The following SAMD12 variants were observed in gnomAD, a reference collection of about 807,000 sequenced individuals.
SAMD12 encodes sterile alpha motif domain-containing protein 12.
In SAMD12, 9 loss-of-function variants were observed where a neutral mutation model predicts 15.0. That is an observed-to-expected ratio of 0.60 (90% CI 0.36 to 1.05). The LOEUF (loss-of-function observed/expected upper bound fraction) is 1.05. Ranked by LOEUF, SAMD12 falls within the 50% of genes least tolerant of loss-of-function variation. The probability of loss-of-function intolerance (pLI) is 0.01; values close to 1 mark genes in which losing one functional copy is unlikely to be tolerated. For missense variants in SAMD12, 230 were observed against 234.2 expected (o/e 0.98, Z 0.12); for synonymous variants, 86 against 90.1 (o/e 0.96, Z 0.25).
At chr8:118,154,162 A>ACACG in the SAMD12 span, among the ~76,000 whole-genome samples, 2 of 123,570 alleles carry the variant, frequency 1.6e-5, no homozygotes, top group Non-Finnish European at 3.6e-5. Flanking sequence ...ACACACACAC[A>ACACG]TACACACACA....
In SAMD12 at chr8:118,324,676, A is replaced by C. The variant is rs963906998; in HGVS notation, c.433+54884T>G. ...AAGTGAGACCTGACATTTGAATTGA[A>C]GTTAGACAGACAAATGGGTAGAAAG... On this transcript the variant is annotated intron_variant, in intron 4 of 4. Coordinates refer to the SAMD12 transcript ENST00000409003. Among the ~76,000 whole-genome samples the C allele has an allele frequency of 8.5e-5, 13 of 152,316 alleles. No homozygotes were observed. In the East Asian group the frequency reaches 2.5e-3, roughly 29 times the overall value.
At chr8:118,251,494 C>T (rs1031145312) in intron 4 of SAMD12, among the ~76,000 whole-genome samples, 6 of 152,088 alleles carry the variant, frequency 3.9e-5, no homozygotes, top group South Asian at 2.1e-4. Flanking sequence ...TCTTTTTACG[C>T]CCCCACCTTT....
At chr8:118,418,702 G>A (rs1414367644) in intron 3 of SAMD12, among the ~76,000 whole-genome samples, 1 of 149,314 alleles carries the variant, frequency 6.7e-6, no homozygotes, top group Non-Finnish European at 1.5e-5. Flanking sequence ...CTGGGTGACA[G>A]AGCAAGACTC....
At chr8:118,504,426 G>A (rs574749233) in intron 2 of SAMD12, among the ~76,000 whole-genome samples, 1 of 152,324 alleles carries the variant, frequency 6.6e-6, no homozygotes, top group African/African-American at 2.4e-5. Context: ...CACAGATGGT[G>A]AGACAGTCTG....
At chr8:118,472,799 T>C (rs966519423) in intron 2 of SAMD12, among the ~76,000 whole-genome samples, 2 of 152,034 alleles carry the variant, frequency 1.3e-5, no homozygotes, top group Non-Finnish European at 2.9e-5. Context: ...CTGGTATACA[T>C]TGCTGACTCA....
intron 4 of SAMD12, among the ~76,000 whole-genome samples, chr8:118,231,326 C>T (rs1316227811): frequency 6.6e-6 from 1 of 152,140 alleles, no homozygotes; most frequent in Non-Finnish European, 1.5e-5. Flanking sequence ...GAAGGGGGAA[C>T]TGACAGATCA....
In SAMD12 at chr8:118,199,339, G is replaced by T. The variant is rs143243029; in HGVS notation, c.434-1607C>A. On this transcript the variant is annotated intron_variant, in intron 4 of 4. Transcript: ENST00000409003. ...ATTAAGAGAAACACTTCAGTATTTT[G>T]AAAGGGGTATAAACACCAATGTGCG... Among the ~76,000 whole-genome samples, 12 of 152,218 alleles carry T rather than the reference G, an allele frequency of 7.9e-5. No homozygotes were observed. The East Asian group carries it at 2.3e-3, about 29-fold the overall frequency.
At chr8:118,326,346 A>G (rs927192917) in intron 4 of SAMD12, among the ~76,000 whole-genome samples, 7 of 152,258 alleles carry the variant, frequency 4.6e-5, no homozygotes, top group Middle Eastern at 3.4e-3. Context: ...TCCTAAAAGA[A>G]GCCAAAAACT....
At chr8:118,562,054 C>A (rs1298310405) in intron 2 of SAMD12, among the ~76,000 whole-genome samples, 1 of 152,026 alleles carries the variant, frequency 6.6e-6, no homozygotes, top group Non-Finnish European at 1.5e-5. Flanking sequence ...TAAAAAGGAC[C>A]TTCCCAGAGA....
At chr8:118,242,574 T>G (rs1193490323) in intron 4 of SAMD12, among the ~76,000 whole-genome samples, 3 of 152,102 alleles carry the variant, frequency 2.0e-5, no homozygotes, top group Non-Finnish European at 4.4e-5. Flanking sequence ...TTATTATAGG[T>G]AGGTATTCTG....
chr8:118,469,861 C>A (rs1823741480), intron 2 of SAMD12, among the ~76,000 whole-genome samples: 1 of 151,738 alleles, frequency 6.6e-6, no homozygotes. Flanking sequence ...CCATGCCCAG[C>A]CTGTACTATA....
chr8:118,617,225 G>A (rs945009235), intron 1 of SAMD12, among the ~76,000 whole-genome samples: 1 of 152,188 alleles, frequency 6.6e-6, no homozygotes, highest in Non-Finnish European at 1.5e-5. Flanking sequence ...GTTCAAGTTG[G>A]GTACAAAGTC....
At chr8:118,420,938 T>C (rs938931905) in intron 3 of SAMD12, among the ~76,000 whole-genome samples, 2 of 152,170 alleles carry the variant, frequency 1.3e-5, no homozygotes, top group Admixed American at 6.5e-5. Context: ...TACAACCACT[T>C]CTTTCATTTA....
rs12171673 is a variant in SAMD12 at position 118,379,627 on chromosome 8, G to T, written c.396C>A (p.His132Gln). The T allele has an allele frequency of 1.4e-5, 22 of 1,613,814 alleles. No homozygotes were observed. Among genetic ancestry groups the T allele is most frequent in the Non-Finnish European group, 1.9e-5 (22 of 1,179,864 alleles). The change falls in exon 4 of 4, where the codon CAC becomes CAA. Residue 132 changes from histidine to glutamine, a missense_variant. By Grantham distance (24) the His-to-Gln change is conservative (BLOSUM62 0). Coordinates refer to ENST00000314727, the MANE Select transcript of SAMD12 (RefSeq NM_207506.3). Reference protein sequence around the residue: ...MGIAQENLRQHILQQVLQLKV... With the variant: ...MGIAQENLRQQILQQVLQLKV... ...TCAGCTGGAGCACCTGTTGTAAGATGTGCTGCCGGAGGTTCTCCTGGGCAA... is the reference window on the plus strand; with the variant it reads ...TCAGCTGGAGCACCTGTTGTAAGATTTGCTGCCGGAGGTTCTCCTGGGCAA...
chr8:118,447,704 A>ATATTTATTTATT (rs71292164), intron 2 of SAMD12, among the ~76,000 whole-genome samples: 11,545 of 138,166 alleles, frequency 0.084, 772 homozygotes, highest in African/African-American at 0.17. Flanking sequence ...TTTATTTTTA[A>ATATTTATTTATT]TATTTATTTA....
At chr8:118,409,143 G>A (rs1484402769) in intron 3 of SAMD12, among the ~76,000 whole-genome samples, 1 of 152,108 alleles carries the variant, frequency 6.6e-6, no homozygotes, top group Non-Finnish European at 1.5e-5. Flanking sequence ...AATGGGAAGG[G>A]TGTGGAGGGG....
chr8:118,410,153 AGGC>A (rs1396712372), intron 3 of SAMD12, among the ~76,000 whole-genome samples: 2 of 152,198 alleles, frequency 1.3e-5, no homozygotes, highest in African/African-American at 4.8e-5. Context: ...AGTATATCTA[AGGC>A]TATTTACACA....
intron 2 of SAMD12, among the ~76,000 whole-genome samples, chr8:118,514,897 A>G (rs983340668): frequency 2.0e-5 from 3 of 152,210 alleles, no homozygotes; most frequent in Admixed American, 6.5e-5. Context: ...GTAATTCCCA[A>G]TGTTGGAGGA....
intron 1 of SAMD12, among the ~76,000 whole-genome samples, chr8:118,597,443 T>G (rs1393807397): frequency 6.6e-6 from 1 of 152,242 alleles, no homozygotes; most frequent in African/African-American, 2.4e-5. Context: ...GAGAAACAGA[T>G]GTTTGAATTG....
Sources: allele counts gnomAD v4.1 joint callset (sites outside exome capture counted in the v4.1 genomes callset), GRCh38; gene constraint gnomAD v4.1.1; transcripts MANE v1.5; gene names NCBI Gene and HGNC (gene_info 2026-07-23, HGNC 2026-07-21).